UNC80: variants seen among roughly 807,000 people sequenced by gnomAD.
UNC80 encodes the protein protein unc-80 homolog.
In UNC80, 164 loss-of-function variants were observed where a neutral mutation model predicts 384.6. That is an observed-to-expected ratio of 0.43 (90% confidence interval 0.38 to 0.49). The LOEUF (loss-of-function observed/expected upper bound fraction) is 0.49, where lower values mean the gene tolerates loss of function less well. Ranked by LOEUF, UNC80 falls within the 20% of genes least tolerant of loss-of-function variation. The pLI is 0.00. For missense variants in UNC80, 3,330 were observed against 4,143.0 expected, an observed-to-expected ratio of 0.80 and a Z score of 5.39; for synonymous variants, 1,486 against 1,527.8, an observed-to-expected ratio of 0.97 and a Z score of 0.64.
At chr2:209,917,335 A>G (rs956077974) in intron 31 of UNC80, among the ~76,000 whole-genome samples, 3 of 152,158 alleles carry the variant, frequency 2.0e-5, no homozygotes, top group Non-Finnish European at 4.4e-5. Context: ...TCTGGGAAGG[A>G]TATATGTTTC....
At chr2:209,894,097 G>T in intron 26 of UNC80, 66 bp from the exon 27 acceptor site, 1 of 962,968 alleles carries the variant, frequency 1.0e-6, no homozygotes. Flanking sequence ...GTTGGGGAGA[G>T]ATGGATATAA....
chr2:209,968,676 C>CT (rs1382343547), intron 52 of UNC80: 4 of 152,160 alleles, frequency 2.6e-5, no homozygotes, highest in African/African-American at 9.7e-5. Flanking sequence ...ACATTTGTGT[C>CT]TATCAGCAAA....
At chr2:209,991,774 A>G (rs999459679) in intron 61 of UNC80, among the ~76,000 whole-genome samples, 3 of 152,142 alleles carry the variant, frequency 2.0e-5, no homozygotes, top group Non-Finnish European at 4.4e-5. Context: ...TTTTAAAAAG[A>G]TGTTCCCATC....
rs145508864 is a variant in UNC80 at position 209,931,272 on chromosome 2, A to G, written c.5994+218A>G. ...TCTCTGTCTTCCTTTAGCAATATAT[A>G]ACTTTCTTATGTTTGTTGTTTATTT... On this transcript the variant is annotated intron_variant, in intron 38 of 64. Transcript: ENST00000673920. Among the ~76,000 whole-genome samples the G allele has an allele frequency of 2.2e-3, 340 of 152,050 alleles. 4 individuals carry two copies. The highest frequency in any genetic ancestry group is 7.8e-3 in the African/African-American group (324 of 41,488).
In UNC80 at chr2:209,934,403, A is replaced by G. The variant is rs535327327; in HGVS notation, c.6178+398A>G. Among the ~76,000 whole-genome samples the G allele has an allele frequency of 1.4e-4, 21 of 152,328 alleles. No homozygotes were observed. In the South Asian group the frequency reaches 3.9e-3, roughly 29 times the overall value. ...AACTCCATGAGTGAGGGCTTTATGAAAAATTGGAAAAGGGGAAAGCAGGAA... is the reference window on the plus strand; with the variant it reads ...AACTCCATGAGTGAGGGCTTTATGAGAAATTGGAAAAGGGGAAAGCAGGAA... On this transcript the variant is annotated intron_variant, in intron 39 of 64. Coordinates refer to ENST00000673920, the MANE Select transcript of UNC80 (RefSeq NM_001371986.1).
At chr2:209,928,983 A>G (rs1403869677) in intron 36 of UNC80, among the ~76,000 whole-genome samples, 1 of 152,234 alleles carries the variant, frequency 6.6e-6, no homozygotes, top group Non-Finnish European at 1.5e-5. Flanking sequence ...TGCAATCAAT[A>G]TCAACCTGAG....
At chr2:209,977,616 G>A (rs1205813246) in intron 58 of UNC80, among the ~76,000 whole-genome samples, 2 of 152,206 alleles carry the variant, frequency 1.3e-5, no homozygotes, top group East Asian at 1.9e-4. Context: ...ATTGTAAGGG[G>A]ATTTTTCAGC....
Position 209,993,392 on chromosome 2 carries a change from T to A in UNC80, c.9474T>A (p.Thr3158=). The stretch of plus-strand genomic sequence containing the variant: ...GCCAAGGGGCTCGGCTGTCAACCAC[T>A]CGCAGGAGCATTCAACCTAAAACGA... ...RNRQGARLST[T]RRSIQPKTKP... The change falls in exon 63 of 65, where the codon ACT becomes ACA. Residue 3158 remains threonine (T), a synonymous_variant. Coordinates refer to ENST00000673920, the MANE Select transcript of UNC80 (RefSeq NM_001371986.1). 1 of 1,551,704 alleles carries A rather than the reference T, an allele frequency of 6.4e-7. No individual in the cohort carries two copies. Among genetic ancestry groups the A allele is most frequent in the Non-Finnish European group, 8.7e-7 (1 of 1,146,942 alleles).
In UNC80 at chr2:209,941,398, A is replaced by C; in HGVS notation, c.6824A>C (p.Gln2275Pro). The change falls in exon 44 of 65, where the codon CAG becomes CCG. Residue 2275 changes from glutamine to proline, a missense_variant. Physicochemically the swap from Gln to Pro is moderately conservative, Grantham distance 76. Coordinates refer to ENST00000673920, the MANE Select transcript of UNC80 (RefSeq NM_001371986.1). ...CCGGAAGACAGTGCCCTGCTCAGGCAGTATGCTGCCACCGTCATCAACACC... is the reference window on the plus strand; with the variant it reads ...CCGGAAGACAGTGCCCTGCTCAGGCCGTATGCTGCCACCGTCATCAACACC... The part of the protein sequence containing the change: ...LHPEDSALLR[Q>P]YAATVINTAV... 1 of 1,551,122 alleles carries C rather than the reference A, an allele frequency of 6.4e-7. No homozygotes were observed. Among genetic ancestry groups the C allele is most frequent in the Non-Finnish European group, 8.7e-7 (1 of 1,146,560 alleles).
Position 209,837,742 on chromosome 2 carries a change from C to T in UNC80, c.3042-1480C>T, listed in dbSNP as rs568194025. Among the ~76,000 whole-genome samples the T allele has an allele frequency of 2.0e-5, 3 of 151,804 alleles. No individual in the cohort carries two copies. In the South Asian group the frequency reaches 6.2e-4, roughly 32 times the overall value. On this transcript the variant is annotated intron_variant, in intron 18 of 64. Coordinates refer to ENST00000673920, the MANE Select transcript of UNC80 (RefSeq NM_001371986.1). ...TTTTTAAAGTTGACCAATAAAAACT[C>T]AGTGAGTTTTTGACCTTCTTGTACC... is the stretch of plus-strand genomic sequence containing the variant.
intron 59 of UNC80, among the ~76,000 whole-genome samples, 155 bp from the exon 60 acceptor site, chr2:209,982,024 T>C (rs763961778): frequency 3.9e-5 from 6 of 152,222 alleles, no homozygotes; most frequent in Non-Finnish European, 8.8e-5. Flanking sequence ...AGGTCTAAGT[T>C]TTTTTATCTG....
intron 11 of UNC80, 142 bp downstream of exon 11, chr2:209,818,094 G>GC: frequency 9.7e-7 from 1 of 1,027,624 alleles, no homozygotes. Context: ...GCTTTTGTTA[G>GC]CCATTCTTAG....
chr2:209,834,447 G>T (rs191205525), intron 17 of UNC80, among the ~76,000 whole-genome samples: 1 of 152,080 alleles, frequency 6.6e-6, no homozygotes, highest in African/African-American at 2.4e-5. Context: ...ATGGTAAAAC[G>T]CTACCTGTTT....
intron 43 of UNC80, among the ~76,000 whole-genome samples, chr2:209,940,724 T>C (rs2091573151): frequency 6.6e-6 from 1 of 151,978 alleles, no homozygotes; most frequent in African/African-American, 2.4e-5. Flanking sequence ...GTCTGAAGCA[T>C]GAGAATCACA....
chr2:209,895,506 A>G (rs374366511), intron 27 of UNC80, among the ~76,000 whole-genome samples: 3 of 152,190 alleles, frequency 2.0e-5, no homozygotes, highest in East Asian at 3.8e-4. Context: ...TTTTTTTTAA[A>G]GTATATATGA....
chr2:209,811,067 G>A (rs931950854), intron 7 of UNC80, among the ~76,000 whole-genome samples: 2 of 152,132 alleles, frequency 1.3e-5, no homozygotes, highest in Non-Finnish European at 2.9e-5. Flanking sequence ...AGCAGTGAAA[G>A]CCTTTTAGGA....
intron 18 of UNC80, among the ~76,000 whole-genome samples, chr2:209,838,409 A>C (rs1435627723): frequency 6.6e-6 from 1 of 152,062 alleles, no homozygotes; most frequent in Non-Finnish European, 1.5e-5. Flanking sequence ...CCTGTTGTGG[A>C]ATGCCCTACT....
Position 209,936,759 on chromosome 2 carries a change from TCAAAA to T in UNC80, c.6274-84_6274-80del. 7.7e-6 allele frequency: 7 copies of T among 913,078 alleles called. No homozygotes were observed. In the Admixed American group the frequency reaches 9.1e-5, roughly 12 times the overall value. The allele number at this position is 913,078 out of a possible 1,614,324, so 56.6% of individuals were successfully genotyped here. A position where few individuals can be genotyped will look rare whatever the true frequency, so the allele number is the denominator to read the frequency against. ...TCTCGTAAGAGGTTACCTTGTTTTT[TCAAAA>T]TTTGTATCTGTCACCTTACTACCTA... On this transcript the variant is annotated intron_variant, in intron 40 of 64. Coordinates refer to ENST00000673920, the MANE Select transcript of UNC80 (RefSeq NM_001371986.1).
At chr2:209,964,399 C>A (rs151027597) in intron 51 of UNC80, among the ~76,000 whole-genome samples, 1 of 152,062 alleles carries the variant, frequency 6.6e-6, no homozygotes, top group Admixed American at 6.6e-5. Context: ...AACTTCCAAT[C>A]GAATTAAATA....
Sources: gnomAD v4.1 joint callset for allele counts (sites outside exome capture counted in the v4.1 genomes callset) on GRCh38, gnomAD v4.1.1 for gene constraint, MANE v1.5 for transcripts, NCBI Gene and HGNC (gene_info 2026-07-23, HGNC 2026-07-21) for gene names.